Variants in SH3KBP1 observed in about 807,000 individuals in gnomAD.
SH3KBP1 encodes the protein SH3 domain containing kinase binding protein 1.
Under a neutral mutation model 50.1 loss-of-function variants are expected in SH3KBP1, and 8 were observed. The observed-to-expected ratio is 0.16, with a 90% confidence interval of 0.09 to 0.29. The LOEUF (loss-of-function observed/expected upper bound fraction) is 0.29. Ranked by LOEUF, SH3KBP1 falls within the 10% of genes least tolerant of loss-of-function variation. The pLI is 1.00. For missense variants in SH3KBP1, 377 were observed against 535.2 expected (o/e 0.70, Z 2.92); for synonymous variants, 227 against 218.6 (o/e 1.04, Z -0.34).
Position 19,750,314 on chromosome X carries a change from C to T in SH3KBP1, c.163-3873G>A, listed in dbSNP as rs765028785. The stretch of plus-strand genomic sequence containing the variant: ...ACCTCAAGTAATCCGCCCACCTTGG[C>T]CTCCCAAAATGCTGGGATTACAGGC... On this transcript the variant is annotated intron_variant, in intron 2 of 17. Transcript: ENST00000397821. 7.1e-5 allele frequency among the ~76,000 whole-genome samples: 8 copies of T among 111,895 alleles called. No homozygotes were observed. In the East Asian group the frequency reaches 2.2e-3, roughly 31 times the overall value.
At chrX:19,758,327 CAAAAAAAAAAAAA>C (rs60332447) in intron 2 of SH3KBP1, among the ~76,000 whole-genome samples, 4 of 37,667 alleles carry the variant, frequency 1.1e-4, no homozygotes, top group Admixed American at 8.0e-4. Flanking sequence ...GACTTCGTTT[CAAAAAAAAAAAAA>C]AAAAAAAAAA....
chrX:19,566,310 C>G (rs1461442990), intron 13 of SH3KBP1, among the ~76,000 whole-genome samples: 1 of 103,529 alleles, frequency 9.7e-6, no homozygotes, highest in Non-Finnish European at 2.0e-5. Context: ...CCCGCCCCCC[C>G]ATCAATACCC....
At chrX:19,802,587 T>C (rs753747934) in intron 2 of SH3KBP1, among the ~76,000 whole-genome samples, 1 of 110,504 alleles carries the variant, frequency 9.0e-6, no homozygotes, top group Non-Finnish European at 1.9e-5. Context: ...CTTCCCATTT[T>C]ACTCTGGCAA....
chrX:19,588,675 C>T lies in SH3KBP1; in HGVS notation c.1266G>A (p.Pro422=), dbSNP rs2290805. 10,520 of 1,205,251 alleles carry T rather than the reference C, an allele frequency of 8.7e-3. 523 individuals carry two copies. In the African/African-American group the frequency reaches 0.15, roughly 17 times the overall value. ...SRPGALPPRR[P]ERPVGPLTHT... is the part of the protein sequence containing the mutation. ...GTGTCAGCGGACCCACCGGTCTCTCCGGCCTTCTCGGGGGCAGTGCGCCAG... is the reference window on the plus strand; with the variant it reads ...GTGTCAGCGGACCCACCGGTCTCTCTGGCCTTCTCGGGGGCAGTGCGCCAG... The change falls in exon 12 of 18, where the codon CCG becomes CCA. Residue 422 remains proline (P), a synonymous_variant. Transcript: ENST00000397821.
chrX:19,575,828 T>C (rs982015002), intron 12 of SH3KBP1, among the ~76,000 whole-genome samples: 1 of 112,139 alleles, frequency 8.9e-6, no homozygotes. Context: ...TTTCTGAAAT[T>C]CTGTGAAGCA....
intron 13 of SH3KBP1, among the ~76,000 whole-genome samples, chrX:19,555,361 C>T (rs960536522): frequency 9.0e-6 from 1 of 111,611 alleles, no homozygotes; most frequent in Admixed American, 9.5e-5. Context: ...ACTTCAGTCA[C>T]ACTCTATTTG....
rs868297292 is a variant in SH3KBP1, at chrX:19,760,214, T to C, written c.163-13773A>G. ...TATCCTGGCTAACACAGTGAAACCT[T>C]GTCTCTACTAAAAATACAAAAAATA... On this transcript the variant is annotated intron_variant, in intron 2 of 17. Transcript: ENST00000397821. Among the ~76,000 whole-genome samples, 15 of 107,977 alleles carry C rather than the reference T, an allele frequency of 1.4e-4. No individual in the cohort carries two copies. In the Middle Eastern group the frequency reaches 0.014, roughly 101 times the overall value. 93.8% of individuals were successfully genotyped at this position (107,977 alleles called of 115,157 possible).
intron 5 of SH3KBP1, among the ~76,000 whole-genome samples, chrX:19,691,381 T>TTA (rs10694812): frequency 0.16 from 15,297 of 95,188 alleles, 1,229 homozygotes; most frequent in African/African-American, 0.19. Flanking sequence ...TCTTTTGAGA[T>TTA]TATATATATA....
chrX:19,634,030 T>G (rs2061637753), intron 7 of SH3KBP1, among the ~76,000 whole-genome samples: 1 of 71,532 alleles, frequency 1.4e-5, no homozygotes, highest in Non-Finnish European at 2.6e-5. Flanking sequence ...TTTTGTTCCC[T>G]GGTGTGTGTG....
chrX:19,764,871 C>T (rs770915947), intron 2 of SH3KBP1, among the ~76,000 whole-genome samples: 3 of 104,280 alleles, frequency 2.9e-5, no homozygotes, highest in African/African-American at 7.1e-5. Context: ...TGCAGTGGTG[C>T]GATCTTGGCT....
At chrX:19,872,831 T>TCACA (rs1381252760) in intron 1 of SH3KBP1, among the ~76,000 whole-genome samples, 5 of 101,791 alleles carry the variant, frequency 4.9e-5, no homozygotes, top group African/African-American at 1.2e-4. Flanking sequence ...TCTCTCTCTC[T>TCACA]CTCACACACA....
rs1391909534 is a variant in SH3KBP1 at position 19,887,585 on chromosome X, C to T, written c.-275G>A. 1 of 176,602 alleles carries T rather than the reference C, an allele frequency of 5.7e-6. No individual in the cohort carries two copies. Among genetic ancestry groups the T allele is most frequent in the Non-Finnish European group, 9.7e-6 (1 of 102,871 alleles). 14.6% of individuals were successfully genotyped at this position (176,602 alleles called of 1,213,427 possible). ...CGGCTGCGCCGGGTTTCCTGCTCCC[C>T]GCGAGTGGAAATTGCGAAAAAAAAA... On this transcript the variant is annotated 5_prime_UTR_variant, in exon 1 of 18. Transcript: ENST00000397821.
At chrX:19,885,676 G>A (rs1328598458) in intron 1 of SH3KBP1, among the ~76,000 whole-genome samples, 1 of 110,860 alleles carries the variant, frequency 9.0e-6, no homozygotes, top group African/African-American at 3.3e-5. Context: ...AACCCTCTCG[G>A]TGACCCACCC....
At chrX:19,852,121 T>C (rs2068526397) in intron 1 of SH3KBP1, among the ~76,000 whole-genome samples, 1 of 111,507 alleles carries the variant, frequency 9.0e-6, no homozygotes, top group Admixed American at 9.6e-5. Flanking sequence ...TCCAACTCAC[T>C]TGCTGGAATA....
At chrX:19,691,972 T>A (rs2063301680) in intron 5 of SH3KBP1, among the ~76,000 whole-genome samples, 1 of 111,950 alleles carries the variant, frequency 8.9e-6, no homozygotes, top group Admixed American at 9.5e-5. Flanking sequence ...GAGTGATAGG[T>A]ACACAGAGGT....
At chrX:19,672,170 C>T (rs764150950) in intron 6 of SH3KBP1, among the ~76,000 whole-genome samples, 2 of 111,627 alleles carry the variant, frequency 1.8e-5, no homozygotes, top group African/African-American at 3.3e-5. Context: ...AATACAAGTG[C>T]TACAGAATTA....
chrX:19,539,937 A>G (rs542282806), intron 16 of SH3KBP1, among the ~76,000 whole-genome samples: 20 of 111,631 alleles, frequency 1.8e-4, no homozygotes, highest in African/African-American at 6.5e-4. Flanking sequence ...TGGGGGAGAA[A>G]CATGGTGTGG....
intron 9 of SH3KBP1, among the ~76,000 whole-genome samples, chrX:19,607,398 T>C (rs934462679): frequency 1.8e-5 from 2 of 112,481 alleles, no homozygotes; most frequent in Non-Finnish European, 3.8e-5. Context: ...AACAGTGGCA[T>C]GGTCAAATGG....
chrX:19,845,776 A>G (rs1191562079), intron 1 of SH3KBP1, among the ~76,000 whole-genome samples: 1 of 108,549 alleles, frequency 9.2e-6, no homozygotes, highest in Non-Finnish European at 1.9e-5. Flanking sequence ...ATGCCCAGCT[A>G]ATTTTTGTAT....
Sources: gnomAD v4.1 joint callset for allele counts (sites outside exome capture counted in the v4.1 genomes callset) on GRCh38, gnomAD v4.1.1 for gene constraint, MANE v1.5 for transcripts, NCBI Gene and HGNC (gene_info 2026-07-23, HGNC 2026-07-21) for gene names.